Variants in KCNIP1 observed in about 807,000 individuals in gnomAD.
KCNIP1 encodes potassium voltage-gated channel interacting protein 1.
In KCNIP1, 18 loss-of-function variants were observed where a neutral mutation model predicts 33.0. That is an observed-to-expected ratio of 0.55 (90% CI 0.38 to 0.81). KCNIP1 has a LOEUF of 0.81. Ranked by LOEUF, KCNIP1 falls within the 30% of genes least tolerant of loss-of-function variation. The pLI is 0.00. For synonymous variants in KCNIP1, 93 were observed against 98.3 expected (o/e 0.95, Z 0.32); for missense variants, 238 against 271.6 (o/e 0.88, Z 0.87).
At chr5:170,676,874 A>G (rs957937017) in intron 1 of KCNIP1, among the ~76,000 whole-genome samples, 2 of 152,200 alleles carry the variant, frequency 1.3e-5, no homozygotes, top group Admixed American at 1.3e-4. Flanking sequence ...GCCAATACTC[A>G]AGTGAAGTTT....
intron 1 of KCNIP1, chr5:170,681,168 T>C (rs991789728): frequency 2.5e-6 from 1 of 399,018 alleles, no homozygotes; most frequent in Non-Finnish European, 4.4e-6. Context: ...ACTGATTGAC[T>C]TGTCAGACGG....
intron 1 of KCNIP1, chr5:170,385,229 G>A (rs1581135045): frequency 7.0e-7 from 1 of 1,431,152 alleles, no homozygotes; most frequent in East Asian, 2.3e-5. Flanking sequence ...TCAAGGAGAG[G>A]GGTGAGTAGA....
rs188123933 is a variant in KCNIP1 at position 170,423,459 on chromosome 5, C to T, written c.88+69495C>T. 5.3e-5 allele frequency among the ~76,000 whole-genome samples: 8 copies of T among 152,238 alleles called. No individual in the cohort carries two copies. The East Asian group carries it at 1.2e-3, about 22-fold the overall frequency. ...TTGTCTCCCCAAGGGAACCCATATC[C>T]TGAATTTGGAGATATAATACATGAA... is the stretch of plus-strand genomic sequence containing the variant. On this transcript the variant is annotated intron_variant, in intron 1 of 7. Coordinates refer to the KCNIP1 transcript ENST00000377360.
At chr5:170,450,047 G>T (rs1209421578) in intron 1 of KCNIP1, among the ~76,000 whole-genome samples, 1 of 152,134 alleles carries the variant, frequency 6.6e-6, no homozygotes, top group Non-Finnish European at 1.5e-5. Context: ...GTTTACTTAG[G>T]CCTTGAAACA....
At chr5:170,444,318 C>T (rs1450810102) in intron 1 of KCNIP1, among the ~76,000 whole-genome samples, 1 of 152,136 alleles carries the variant, frequency 6.6e-6, no homozygotes, top group East Asian at 1.9e-4. Context: ...CCTCTTCCTC[C>T]GTCTTCAAAG....
At chr5:170,444,121 G>A (rs1002556164) in intron 1 of KCNIP1, among the ~76,000 whole-genome samples, 4 of 152,218 alleles carry the variant, frequency 2.6e-5, no homozygotes, top group Admixed American at 1.3e-4. Flanking sequence ...CAAATGACCA[G>A]AAACTTCGTG....
chr5:170,463,473 C>T (rs1429668257), intron 1 of KCNIP1, among the ~76,000 whole-genome samples: 2 of 152,072 alleles, frequency 1.3e-5, no homozygotes, highest in African/African-American at 4.8e-5. Flanking sequence ...AGACTAACAC[C>T]ATGACCAAAT....
intron 1 of KCNIP1, among the ~76,000 whole-genome samples, chr5:170,706,744 C>A (rs912361828): frequency 6.6e-6 from 1 of 152,134 alleles, no homozygotes; most frequent in Non-Finnish European, 1.5e-5. Context: ...TCTCTCTGCC[C>A]CTTCATTTTT....
intron 1 of KCNIP1, among the ~76,000 whole-genome samples, chr5:170,540,271 G>A (rs1405314759): frequency 2.6e-5 from 4 of 152,190 alleles, no homozygotes; most frequent in African/African-American, 4.8e-5. Context: ...AGAGACAGCA[G>A]CTGCTAGGCT....
intron 1 of KCNIP1, among the ~76,000 whole-genome samples, chr5:170,556,800 A>T (rs1247307259): frequency 6.6e-6 from 1 of 152,182 alleles, no homozygotes; most frequent in Non-Finnish European, 1.5e-5. Context: ...GGGAGGCCCC[A>T]CCTTCAATGC....
intron 1 of KCNIP1, chr5:170,377,513 T>G (rs889082999): frequency 1.3e-5 from 2 of 151,994 alleles, no homozygotes; most frequent in Non-Finnish European, 2.9e-5. Context: ...ACCCTCAATT[T>G]AAATAACAAA....
intron 1 of KCNIP1, among the ~76,000 whole-genome samples, chr5:170,714,896 A>T (rs1294801990): frequency 6.6e-6 from 1 of 152,140 alleles, no homozygotes; most frequent in East Asian, 1.9e-4. Flanking sequence ...TTGAAAAAAA[A>T]ATTTATTAAT....
chr5:170,627,168 G>A (rs2113659597), intron 1 of KCNIP1, among the ~76,000 whole-genome samples: 1 of 152,296 alleles, frequency 6.6e-6, no homozygotes, highest in Admixed American at 6.5e-5. Flanking sequence ...TTGGGAACAG[G>A]AGCTGGGTCT....
intron 1 of KCNIP1, among the ~76,000 whole-genome samples, chr5:170,429,986 A>G (rs1259669126): frequency 6.6e-6 from 1 of 152,190 alleles, no homozygotes; most frequent in Non-Finnish European, 1.5e-5. Flanking sequence ...TCTCAGGTTT[A>G]CTTATTAGAC....
At chr5:170,537,011 A>C (rs895157087) in intron 1 of KCNIP1, among the ~76,000 whole-genome samples, 1 of 152,232 alleles carries the variant, frequency 6.6e-6, no homozygotes, top group Non-Finnish European at 1.5e-5. Flanking sequence ...GTGGCTTTGC[A>C]AAGTGAAACG....
At chr5:170,589,788 A>G (rs62394313) in intron 1 of KCNIP1, among the ~76,000 whole-genome samples, 42,182 of 108,478 alleles carry the variant, frequency 0.39, 7,991 homozygotes, top group Non-Finnish European at 0.47. Flanking sequence ...GTGTGATGTG[A>G]TGTGGTGTGC....
chr5:170,695,861 A>G (rs1214217944), intron 1 of KCNIP1, among the ~76,000 whole-genome samples: 1 of 152,120 alleles, frequency 6.6e-6, no homozygotes, highest in Non-Finnish European at 1.5e-5. Context: ...TCTACTAAAA[A>G]TACAAAAATT....
chr5:170,585,981 G>A (rs1306548597), intron 1 of KCNIP1, among the ~76,000 whole-genome samples: 3 of 152,236 alleles, frequency 2.0e-5, no homozygotes, highest in Middle Eastern at 3.4e-3. Context: ...GTGGTTGATC[G>A]CACAGCCTTT....
At chr5:170,436,375 C>T (rs1016241330) in intron 1 of KCNIP1, among the ~76,000 whole-genome samples, 1 of 152,192 alleles carries the variant, frequency 6.6e-6, no homozygotes, top group African/African-American at 2.4e-5. Flanking sequence ...GCAGAAAGGT[C>T]TCAGGGACCA....
Sources: allele counts gnomAD v4.1 joint callset (sites outside exome capture counted in the v4.1 genomes callset), GRCh38; gene constraint gnomAD v4.1.1; transcripts MANE v1.5; gene names NCBI Gene and HGNC (gene_info 2026-07-23, HGNC 2026-07-21).